Variants in NCOA1 observed in about 807,000 individuals in gnomAD.
NCOA1 encodes Hin-2 protein.
NCOA1 carries 35 observed loss-of-function variants against 150.9 expected under a neutral mutation model. That is an observed-to-expected ratio of 0.23 (90% CI 0.18 to 0.31). The LOEUF (loss-of-function observed/expected upper bound fraction) is 0.31. Among genes scored for constraint, NCOA1 ranks in the 10% least tolerant of loss-of-function variants. The pLI, the probability that NCOA1 is intolerant of heterozygous loss-of-function variation, is 1.00. For synonymous variants in NCOA1, 590 were observed against 630.0 expected (o/e 0.94, Z 0.95); for missense variants, 1,491 against 1,749.3 (o/e 0.85, Z 2.63).
intron 1 of NCOA1, among the ~76,000 whole-genome samples, chr2:24,516,510 G>T (rs1324758228): frequency 1.3e-5 from 2 of 150,544 alleles, no homozygotes; most frequent in African/African-American, 2.4e-5. Context: ...TTTTTTAATT[G>T]AGGGGAGGAG....
chr2:24,666,613 T>A (rs941783544), intron 6 of NCOA1, among the ~76,000 whole-genome samples: 2 of 148,672 alleles, frequency 1.3e-5, no homozygotes, highest in African/African-American at 2.4e-5. Flanking sequence ...TGTCTCTACC[T>A]GGGCTCTTCT....
intron 17 of NCOA1, among the ~76,000 whole-genome samples, chr2:24,736,142 A>G (rs1383250019): frequency 2.0e-5 from 3 of 151,458 alleles, no homozygotes; most frequent in African/African-American, 7.3e-5. Flanking sequence ...AATCGCTTGA[A>G]CCCAGGAGGT....
intron 8 of NCOA1, among the ~76,000 whole-genome samples, chr2:24,688,364 C>T (rs1017845996): frequency 5.9e-5 from 9 of 152,158 alleles, no homozygotes; most frequent in Admixed American, 3.3e-4. Flanking sequence ...TTTACACTCC[C>T]ACCAACAGTG....
At chr2:24,542,800 G>T (rs557975956) in intron 1 of NCOA1, among the ~76,000 whole-genome samples, 7 of 152,262 alleles carry the variant, frequency 4.6e-5, no homozygotes, top group African/African-American at 1.7e-4. Flanking sequence ...TACTTTTTCT[G>T]AAGAATATAT....
rs776114921 is a variant in NCOA1, at chr2:24,707,847, A to G, written c.2377A>G (p.Lys793Glu). The G allele has an allele frequency of 1.1e-5, 18 of 1,611,174 alleles. No individual in the cohort carries two copies. The highest frequency in any genetic ancestry group is 1.5e-5 in the Non-Finnish European group (18 of 1,179,258). Residue 793 changes from lysine to glutamate, a missense_variant, in exon 13 of 23, where the codon AAA (lysine) becomes GAA (glutamate). Physicochemically the swap from Lys to Glu is moderately conservative, Grantham distance 56. Around this residue, in one of 8 missense-constraint regions of NCOA1, gnomAD observed 703 missense variants for 717.7 expected, o/e 0.98. Coordinates refer to ENST00000348332, the MANE Select transcript of NCOA1 (RefSeq NM_003743.5). ...PCNTNPTPMT[K>E]PTPEEIKLEA... ...TAATACAAACCCAACCCCAATGACC[A>G]AACCCACTCCTGAGGAAATAAAACT...
chr2:24,727,569 G>A (rs1277092437), intron 15 of NCOA1, among the ~76,000 whole-genome samples: 1 of 152,214 alleles, frequency 6.6e-6, no homozygotes, highest in Non-Finnish European at 1.5e-5. Context: ...AGATAGTATT[G>A]ATTGTGGTTT....
chr2:24,674,123 A>ATGTGTGTG (rs146841550), intron 7 of NCOA1, among the ~76,000 whole-genome samples: 8,094 of 145,518 alleles, frequency 0.056, 227 homozygotes, highest in Non-Finnish European at 0.058. Context: ...ATATGTATGT[A>ATGTGTGTG]TGTGTGTGTG....
intron 1 of NCOA1, among the ~76,000 whole-genome samples, chr2:24,546,580 C>T (rs927393141): frequency 6.6e-6 from 1 of 152,086 alleles, no homozygotes; most frequent in East Asian, 1.9e-4. Flanking sequence ...AACTTATAAC[C>T]TGGAAAACAT....
intron 14 of NCOA1, among the ~76,000 whole-genome samples, chr2:24,720,638 A>G (rs887350376): frequency 6.6e-6 from 1 of 152,204 alleles, no homozygotes; most frequent in Non-Finnish European, 1.5e-5. Flanking sequence ...AGAAAAAAGA[A>G]TTCAGAGACC....
At chr2:24,726,553 G>T in intron 14 of NCOA1, 36 bp from the exon 15 acceptor site, 1 of 1,341,562 alleles carries the variant, frequency 7.5e-7, no homozygotes, top group South Asian at 1.2e-5. Flanking sequence ...ATCCTCCACT[G>T]AGATAATGAC....
Position 24,706,865 on chromosome 2 carries a change from T to A in NCOA1, c.1395T>A (p.Ser465Arg). 1 of 1,614,198 alleles carries A rather than the reference T, an allele frequency of 6.2e-7. No individual in the cohort carries two copies. Reference sequence around the variant, plus strand: ...AAGGACAGGCCAGTTCACAGAGCAGTAATCCCTCTTTAAACCTCAATAATT... The same window carrying A: ...AAGGACAGGCCAGTTCACAGAGCAGAAATCCCTCTTTAAACCTCAATAATT... ...LNQGQASSQS[S>R]NPSLNLNNSP... is the part of the protein sequence containing the mutation. The change falls in exon 13 of 23, where the codon AGT becomes AGA. Residue 465 changes from serine to arginine, a missense_variant. Ser to Arg is a moderately radical substitution (Grantham distance 110, BLOSUM62 -1). Transcript: ENST00000348332.
chr2:24,732,349 G>A (rs968096414), intron 17 of NCOA1, among the ~76,000 whole-genome samples: 1 of 152,172 alleles, frequency 6.6e-6, no homozygotes, highest in African/African-American at 2.4e-5. Flanking sequence ...GGCTCACCAT[G>A]TTATAAGCCC....
At chr2:24,515,651 A>G (rs1279309548) in intron 1 of NCOA1, among the ~76,000 whole-genome samples, 1 of 152,178 alleles carries the variant, frequency 6.6e-6, no homozygotes, top group Non-Finnish European at 1.5e-5. Context: ...GCTTATTTGC[A>G]TTATTGAATT....
At chr2:24,732,366 T>G (rs1663059738) in intron 17 of NCOA1, among the ~76,000 whole-genome samples, 1 of 152,196 alleles carries the variant, frequency 6.6e-6, no homozygotes, top group South Asian at 2.1e-4. Context: ...GCCCCATGTA[T>G]GTCTATACGC....
chr2:24,503,371 C>T (rs1260981608), intron 1 of NCOA1, among the ~76,000 whole-genome samples: 1 of 152,180 alleles, frequency 6.6e-6, no homozygotes. Context: ...GTTCCTTCCT[C>T]TGTCTTCTTA....
intron 2 of NCOA1, among the ~76,000 whole-genome samples, chr2:24,580,239 T>C (rs1415966487): frequency 6.6e-6 from 1 of 152,252 alleles, no homozygotes; most frequent in Non-Finnish European, 1.5e-5. Context: ...TTATCCTGTT[T>C]ATGGTTCACT....
intron 1 of NCOA1, among the ~76,000 whole-genome samples, chr2:24,510,788 A>G (rs1663905109): frequency 6.6e-6 from 1 of 152,080 alleles, no homozygotes; most frequent in Non-Finnish European, 1.5e-5. Flanking sequence ...TATTCTCTTT[A>G]CTGTGGTGAA....
At chr2:24,518,215 A>G (rs1664284146) in intron 1 of NCOA1, among the ~76,000 whole-genome samples, 1 of 152,182 alleles carries the variant, frequency 6.6e-6, no homozygotes, top group South Asian at 2.1e-4. Context: ...CCATGTTAAC[A>G]GACTAAAAAG....
chr2:24,669,016 G>A (rs564580579), intron 6 of NCOA1, among the ~76,000 whole-genome samples: 26 of 152,126 alleles, frequency 1.7e-4, no homozygotes, highest in African/African-American at 2.9e-4. Context: ...TATTGGTTAC[G>A]CAAAAAATTG....
Sources: allele counts gnomAD v4.1 joint callset (sites outside exome capture counted in the v4.1 genomes callset), GRCh38; gene constraint gnomAD v4.1.1; regional missense constraint gnomAD v4.1.1; transcripts MANE v1.5; gene names NCBI Gene and HGNC (gene_info 2026-07-23, HGNC 2026-07-21).